NOD2: variants seen among roughly 807,000 people sequenced by gnomAD.
The protein encoded by NOD2 is nucleotide binding oligomerization domain containing 2, also known as nucleotide-binding oligomerization domain-containing protein 2.
Under a neutral mutation model 90.9 loss-of-function variants are expected in NOD2, and 86 were observed. That is an observed-to-expected ratio of 0.95 (90% CI 0.79 to 1.13). NOD2 has a LOEUF of 1.13. Among genes scored for constraint, NOD2 ranks in the 50% most tolerant of loss-of-function variants. The pLI, the probability that NOD2 is intolerant of heterozygous loss-of-function variation, is 0.00. For missense variants in NOD2, 1,238 were observed against 1,283.8 expected (o/e 0.96, Z 0.55); for synonymous variants, 581 against 554.6 (o/e 1.05, Z -0.67).
chr16:50,727,705 T>C, intron 10 of NOD2: 2 of 364,830 alleles, frequency 5.5e-6, no homozygotes, highest in Non-Finnish European at 1.1e-5. Context: ...GCTTTGGTTG[T>C]GTGACATGCA....
At chr16:50,729,567 C>T (rs996172703) in intron 10 of NOD2, among the ~76,000 whole-genome samples, 1 of 152,170 alleles carries the variant, frequency 6.6e-6, no homozygotes, top group Non-Finnish European at 1.5e-5. Flanking sequence ...AGGTACTTAA[C>T]CACTATCCTA....
rs199951979 is a variant in NOD2 at position 50,710,865 on chromosome 16, A to C, written c.873A>C (p.Ala291=). The change falls in exon 4 of 12, where the codon GCA becomes GCC. Residue 291 remains alanine, a synonymous_variant. Transcript: ENST00000647318. ...LLQRLHLLWA[A]GQDFQEFLFV... is the part of the protein sequence containing the mutation. ...AGCGGCTGCACTTGCTGTGGGCTGC[A>C]GGGCAAGACTTCCAGGAATTTCTCT... 8 of 1,614,126 alleles carry C rather than the reference A, an allele frequency of 5.0e-6. No homozygotes were observed. In the Middle Eastern group the frequency reaches 4.9e-4, roughly 100 times the overall value.
intron 4 of NOD2, among the ~76,000 whole-genome samples, chr16:50,714,562 G>A (rs183996226): frequency 6.1e-4 from 93 of 152,056 alleles, no homozygotes; most frequent in Middle Eastern, 3.4e-3. Context: ...TGCCAAGGCC[G>A]TAGGGGAGGG....
At position 50,719,970 on chromosome 16, in the gene NOD2, C is replaced by T. The variant is rs375012324; in HGVS notation, c.2595C>T (p.Ala865=). 24 of 1,614,184 alleles carry T rather than the reference C, an allele frequency of 1.5e-5. No homozygotes were observed. Among genetic ancestry groups the T allele is most frequent in the South Asian group, 7.7e-5 (7 of 91,080 alleles). Residue 865 remains alanine (A), a synonymous_variant, in exon 7 of 12, where the codon GCC becomes GCT. Coordinates refer to ENST00000647318, the MANE Select transcript of NOD2 (RefSeq NM_001370466.1). ...YITAAGAQVL[A]EGLRGNTSLQ... ...CTGCCGCGGGAGCCCAAGTGCTGGC[C>T]GAGGGGCTCCGAGGCAACACCTCCT...
chr16:50,717,445 G>T (rs1445143276), intron 6 of NOD2, among the ~76,000 whole-genome samples: 1 of 152,162 alleles, frequency 6.6e-6, no homozygotes, highest in Admixed American at 6.5e-5. Context: ...GTGTCTCCCA[G>T]TTTCAACAGG....
intron 10 of NOD2, among the ~76,000 whole-genome samples, chr16:50,729,445 G>T (rs1027942337): frequency 2.0e-5 from 3 of 152,082 alleles, no homozygotes; most frequent in African/African-American, 7.2e-5. Context: ...GATGGCACGG[G>T]TACTCTTTTA....
At chr16:50,718,590 C>T (rs558535622) in intron 6 of NOD2, among the ~76,000 whole-genome samples, 1 of 152,344 alleles carries the variant, frequency 6.6e-6, no homozygotes, top group South Asian at 2.1e-4. Flanking sequence ...ATAGAGAGCA[C>T]AGGCTCTGGA....
At chr16:50,710,529 C>T in intron 3 of NOD2, 29 bp from the exon 4 acceptor site, 1 of 1,614,000 alleles carries the variant, frequency 6.2e-7, no homozygotes, top group Non-Finnish European at 8.5e-7. Context: ...ATGGTGCCAC[C>T]TTCATCTGCC....
rs104895434 is a variant in NOD2 at position 50,711,420 on chromosome 16, G to A, written c.1428G>A (p.Glu476=). The A allele has an allele frequency of 8.7e-6, 14 of 1,612,850 alleles. No homozygotes were observed. Among genetic ancestry groups the A allele is most frequent in the Admixed American group, 5.0e-5 (3 of 59,948 alleles). The part of the protein sequence containing the change: ...SKCHQELLLQ[E]GGSPKTTTDM... ...GCCACCAGGAACTGTTGCTGCAGGA[G>A]GGGGGGTCCCCAAAGACCACTACAG... Residue 476 remains glutamate (E), a synonymous_variant, in exon 4 of 12, where the codon GAG becomes GAA. Coordinates refer to ENST00000647318, the MANE Select transcript of NOD2 (RefSeq NM_001370466.1).
chr16:50,721,365 G>A (rs1233863256), intron 7 of NOD2, among the ~76,000 whole-genome samples: 17 of 105,074 alleles, frequency 1.6e-4, no homozygotes, highest in Admixed American at 9.3e-4. Flanking sequence ...TAACTTGCTT[G>A]GTTTTTTTTT....
chr16:50,723,877 ACTGCTG>A (rs912535842), intron 9 of NOD2, among the ~76,000 whole-genome samples: 2 of 152,060 alleles, frequency 1.3e-5, no homozygotes, highest in South Asian at 2.1e-4. Flanking sequence ...TACTACTATT[ACTGCTG>A]CTGCTGCTGC....
intron 9 of NOD2, 141 bp from the exon 10 acceptor site, chr16:50,725,348 C>A: frequency 1.5e-6 from 1 of 676,510 alleles, no homozygotes; most frequent in African/African-American, 1.8e-5. Flanking sequence ...TGAGAATCCC[C>A]ACAACGTACT....
At chr16:50,697,418 ACT>A (rs1377147230) in intron 1 of NOD2, 5 of 1,119,788 alleles carry the variant, frequency 4.5e-6, no homozygotes, top group East Asian at 5.1e-5. Flanking sequence ...GGGAGTGCTG[ACT>A]CTGTTTCTGG....
At chr16:50,700,781 T>C (rs1041381101) in intron 2 of NOD2, among the ~76,000 whole-genome samples, 14 of 152,220 alleles carry the variant, frequency 9.2e-5, no homozygotes, top group Admixed American at 7.9e-4. Flanking sequence ...AACACTGCAG[T>C]ATATTGAATT....
intron 7 of NOD2, among the ~76,000 whole-genome samples, chr16:50,720,835 C>T (rs1965020148): frequency 6.6e-6 from 1 of 151,712 alleles, no homozygotes; most frequent in Admixed American, 6.6e-5. Context: ...GATGTAGTCT[C>T]ACTCTGTTGC....
rs1048722143 is a variant in NOD2, at chr16:50,719,843, T to C, written c.2550-82T>C. 46 of 1,277,348 alleles carry C rather than the reference T, an allele frequency of 3.6e-5. No individual in the cohort carries two copies. The African/African-American group carries it at 5.0e-4, about 14-fold the overall frequency. 79.1% of individuals were successfully genotyped at this position (1,277,348 alleles called of 1,614,324 possible). On this transcript the variant is annotated intron_variant, in intron 6 of 11. Coordinates refer to ENST00000647318, the MANE Select transcript of NOD2 (RefSeq NM_001370466.1). ...GCAGGTCTTCAATGCTTTCTTCCTG[T>C]GTTTCCCTGGCCAGGGCACAGACGG...
intron 10 of NOD2, chr16:50,727,898 T>A: frequency 3.4e-6 from 1 of 298,024 alleles, no homozygotes; most frequent in Non-Finnish European, 6.6e-6. Context: ...ATGACCTTTT[T>A]TTTTTGGTGC....
Position 50,712,345 on chromosome 16 carries a change from C to T in NOD2, c.2353C>T (p.Pro785Ser), listed in dbSNP as rs746692864. Residue 785 changes from proline to serine, a missense_variant, in exon 4 of 12, where the codon CCT becomes TCT. Around this residue, in one of 3 missense-constraint regions of NOD2, gnomAD observed 667 missense variants for 688.7 expected, o/e 0.97. Transcript: ENST00000647318. ...VGDIGVEQLL[P>S]CLGVCKALYL... ...TGACATTGGCGTGGAGCAGCTGCTG[C>T]CTTGCCTTGGTGTCTGCAAGGCTCT... 4 of 1,613,812 alleles carry T rather than the reference C, an allele frequency of 2.5e-6. No homozygotes were observed. Among genetic ancestry groups the T allele is most frequent in the Non-Finnish European group, 3.4e-6 (4 of 1,180,036 alleles).
rs1267341301 is a variant in NOD2 at position 50,710,833 on chromosome 16, C to T, written c.841C>T (p.Leu281Phe). 7 of 1,614,114 alleles carry T rather than the reference C, an allele frequency of 4.3e-6. No individual in the cohort carries two copies. Among genetic ancestry groups the T allele is most frequent in the South Asian group, 1.1e-5 (1 of 91,086 alleles). Residue 281 changes from leucine (L) to phenylalanine (F), a missense_variant, in exon 4 of 12, where the codon CTC becomes TTC. Coordinates refer to ENST00000647318, the MANE Select transcript of NOD2 (RefSeq NM_001370466.1). ...TGAGGCGGGCAGTGGCAAGAGCACG[C>T]TCCTGCAGCGGCTGCACTTGCTGTG... ...VGEAGSGKST[L>F]LQRLHLLWAA...
Sources: gnomAD v4.1 joint callset for allele counts (sites outside exome capture counted in the v4.1 genomes callset) on GRCh38, gnomAD v4.1.1 for gene constraint, gnomAD v4.1.1 regional missense constraint, MANE v1.5 for transcripts, NCBI Gene and HGNC (gene_info 2026-07-23, HGNC 2026-07-21) for gene names.